CDCA2: variants seen among roughly 807,000 people sequenced by gnomAD.
CDCA2 encodes cell division cycle-associated protein 2.
A neutral mutation model predicts 67.0 loss-of-function variants in CDCA2; 44 were observed. The observed-to-expected ratio is 0.66, with a 90% CI of 0.52 to 0.84. CDCA2 has a LOEUF of 0.84. Ranked by LOEUF, CDCA2 falls within the 40% of genes least tolerant of loss-of-function variation. CDCA2 has a pLI of 0.00. For synonymous variants in CDCA2, 447 were observed against 418.7 expected, an observed-to-expected ratio of 1.07 and a Z score of -0.82; for missense variants, 1,253 against 1,203.2, an observed-to-expected ratio of 1.04 and a Z score of -0.61.
intron 13 of CDCA2, among the ~76,000 whole-genome samples, chr8:25,497,502 AAAAT>A (rs1563281779): frequency 0.049 from 1,520 of 30,760 alleles, 40 homozygotes; most frequent in Middle Eastern, 0.14. Flanking sequence ...TAAAAAATAA[AAAAT>A]AAAAAAAAAA....
chr8:25,483,470 C>G lies in CDCA2; in HGVS notation c.1104C>G (p.Cys368Trp). The G allele has an allele frequency of 6.2e-7, 1 of 1,610,060 alleles. No homozygotes were observed. The highest frequency in any genetic ancestry group is 8.5e-7 in the Non-Finnish European group (1 of 1,177,852). The change falls in exon 9 of 15, where the codon TGC (cysteine) becomes TGG (tryptophan). Residue 368 changes from cysteine (C) to tryptophan (W), a missense_variant. Cys to Trp is a radical substitution (Grantham distance 215). Transcript: ENST00000330560. ...PSLISNLPNC[C>W]KEKEAEDEEN... ...TAATCTCAAATCTCCCAAACTGTTG[C>G]AAAGAGAAAGAAGCAGGTAAGAAAT...
chr8:25,485,259 T>C (rs564653221), intron 10 of CDCA2, among the ~76,000 whole-genome samples: 1 of 151,286 alleles, frequency 6.6e-6, no homozygotes, highest in East Asian at 1.9e-4. Context: ...ATTTAAAAAA[T>C]AAAACCTCTG....
In CDCA2 at chr8:25,468,533, G is replaced by A. The variant is rs1389091266; in HGVS notation, c.735+120G>A. 5.5e-5 allele frequency: 18 copies of A among 328,738 alleles called. No individual in the cohort carries two copies. In the South Asian group the frequency reaches 6.0e-4, roughly 11 times the overall value. 20.4% of individuals were successfully genotyped at this position (328,738 alleles called of 1,614,324 possible). On this transcript the variant is annotated intron_variant, in intron 6 of 14. Coordinates refer to ENST00000330560, the MANE Select transcript of CDCA2 (RefSeq NM_152562.4). ...CTTGTTCTGCCCTGTGGTTCCTGGG[G>A]TGTGTGTGTGTGTGTGTGTGTGTGC...
intron 13 of CDCA2, among the ~76,000 whole-genome samples, chr8:25,499,266 A>G (rs1000011764): frequency 1.5e-5 from 2 of 136,342 alleles, no homozygotes; most frequent in Admixed American, 7.3e-5. Context: ...CCTCTCCTAT[A>G]TGGTGTGATT....
chr8:25,471,575 G>T (rs560580312), intron 7 of CDCA2, among the ~76,000 whole-genome samples: 11 of 152,288 alleles, frequency 7.2e-5, no homozygotes, highest in African/African-American at 2.6e-4. Context: ...TCTTGGCCAG[G>T]CTGGTCTTGA....
At chr8:25,485,321 A>G (rs550156314) in intron 10 of CDCA2, among the ~76,000 whole-genome samples, 5 of 152,128 alleles carry the variant, frequency 3.3e-5, no homozygotes, top group African/African-American at 1.2e-4. Flanking sequence ...TCTATGCAAA[A>G]CCAACAGTTA....
chr8:25,500,953 CATTTTT>C (rs1804451050), intron 13 of CDCA2, among the ~76,000 whole-genome samples: 1 of 152,046 alleles, frequency 6.6e-6, no homozygotes, highest in Non-Finnish European at 1.5e-5. Flanking sequence ...CACCAGAGGC[CATTTTT>C]TTTATTTATT....
At chr8:25,480,336 A>C (rs1454384592) in intron 8 of CDCA2, among the ~76,000 whole-genome samples, 2 of 152,140 alleles carry the variant, frequency 1.3e-5, no homozygotes, top group Non-Finnish European at 2.9e-5. Context: ...CGTATATAGC[A>C]TGCAGAATTT....
In CDCA2 at chr8:25,506,914, T is replaced by C. The variant is rs746144617; in HGVS notation, c.2248T>C (p.Cys750Arg). 8 of 1,612,750 alleles carry C rather than the reference T, an allele frequency of 5.0e-6. No individual in the cohort carries two copies. The highest frequency in any genetic ancestry group is 6.8e-6 in the Non-Finnish European group (8 of 1,179,386). The part of the protein sequence containing the change: ...SAGGQNAENL[C>R]QFFKISPDLN... ...TGGTGGTCAAAATGCAGAAAACCTT[T>C]GTCAGTTCTTTAAAATTTCACCAGA... Residue 750 changes from cysteine (C) to arginine (R), a missense_variant, in exon 15 of 15, where the codon TGT becomes CGT. By Grantham distance (180) the Cys-to-Arg change is radical (BLOSUM62 -3). Coordinates refer to ENST00000330560, the MANE Select transcript of CDCA2 (RefSeq NM_152562.4).
At chr8:25,499,936 C>A (rs1290584107) in intron 13 of CDCA2, among the ~76,000 whole-genome samples, 1 of 152,132 alleles carries the variant, frequency 6.6e-6, no homozygotes, top group African/African-American at 2.4e-5. Flanking sequence ...AAGTTTGTGG[C>A]CTTTGCTGAT....
intron 3 of CDCA2, among the ~76,000 whole-genome samples, chr8:25,461,106 A>G (rs908436050): frequency 6.6e-6 from 1 of 151,954 alleles, no homozygotes; most frequent in Non-Finnish European, 1.5e-5. Flanking sequence ...CGTCTCTACT[A>G]AAAATACAAA....
At chr8:25,496,507 G>A (rs1050466175) in intron 13 of CDCA2, among the ~76,000 whole-genome samples, 1 of 152,090 alleles carries the variant, frequency 6.6e-6, no homozygotes, top group African/African-American at 2.4e-5. Context: ...AAGAAACACC[G>A]TATAGAATGG....
At chr8:25,501,567 G>T (rs1246795163) in intron 13 of CDCA2, among the ~76,000 whole-genome samples, 1 of 152,206 alleles carries the variant, frequency 6.6e-6, no homozygotes, top group Non-Finnish European at 1.5e-5. Context: ...TCATGCACAT[G>T]GCATTCCCTT....
chr8:25,476,595 C>CAGGCTGT (rs2117503076), intron 7 of CDCA2, among the ~76,000 whole-genome samples: 1 of 151,848 alleles, frequency 6.6e-6, no homozygotes, highest in South Asian at 2.1e-4. Context: ...CTCTGCCGCC[C>CAGGCTGT]AGGCTGTAGT....
Position 25,480,092 on chromosome 8 carries a change from C to A in CDCA2, c.1000C>A (p.Pro334Thr). Residue 334 changes from proline (P) to threonine (T), a missense_variant, in exon 8 of 15, where the codon CCC becomes ACC. Physicochemically the swap from Pro to Thr is conservative, Grantham distance 38. Coordinates refer to ENST00000330560, the MANE Select transcript of CDCA2 (RefSeq NM_152562.4). ...TFVLRSVLKK[P>T]SVKMCLESLQ... is the part of the protein sequence containing the mutation. ...TGTACTTCGTTCTGTACTGAAGAAA[C>A]CCTCTGTTAAGATGTGTCTAGAGAG... 4.3e-6 allele frequency: 7 copies of A among 1,614,082 alleles called. No individual in the cohort carries two copies. The highest frequency in any genetic ancestry group is 5.9e-6 in the Non-Finnish European group (7 of 1,180,022).
In CDCA2 at chr8:25,480,025, T is replaced by G. The variant is rs1163501921; in HGVS notation, c.933T>G (p.Ala311=). Residue 311 remains alanine (A), a synonymous_variant, in exon 8 of 15, where the codon GCT becomes GCG. Transcript: ENST00000330560. ...SDAVPDVRSP[A]TPACRRDLPT... Reference sequence around the variant, plus strand: ...CAGTCCCTGATGTCAGGTCACCAGCTACTCCAGCCTGCAGGAGGGACCTTC... The same window carrying G: ...CAGTCCCTGATGTCAGGTCACCAGCGACTCCAGCCTGCAGGAGGGACCTTC... 6.2e-6 allele frequency: 10 copies of G among 1,614,038 alleles called. No individual in the cohort carries two copies. Among genetic ancestry groups the G allele is most frequent in the Non-Finnish European group, 3.4e-6 (4 of 1,180,032 alleles).
intron 6 of CDCA2, among the ~76,000 whole-genome samples, chr8:25,469,022 A>G (rs1463773726): frequency 6.6e-6 from 1 of 152,238 alleles, no homozygotes; most frequent in Non-Finnish European, 1.5e-5. Context: ...TAGAAAAATA[A>G]TACTACTGAA....
At chr8:25,484,888 G>A (rs183114070) in intron 10 of CDCA2, among the ~76,000 whole-genome samples, 3 of 152,232 alleles carry the variant, frequency 2.0e-5, no homozygotes, top group African/African-American at 7.2e-5. Context: ...TGTGATTTCA[G>A]CATTAACCTG....
At position 25,485,728 on chromosome 8, in the gene CDCA2, A is replaced by G. The variant is rs779683461; in HGVS notation, c.1366-31A>G. ...CATTATGTATTCACTGCATTTAAAG[A>G]TATCTAACTTCTGTCTTTTCCTTTG... On this transcript the variant is annotated intron_variant, in intron 10 of 14. Coordinates refer to ENST00000330560, the MANE Select transcript of CDCA2 (RefSeq NM_152562.4). 13 of 1,339,536 alleles carry G rather than the reference A, an allele frequency of 9.7e-6. No homozygotes were observed. In the South Asian group the frequency reaches 1.7e-4, roughly 17 times the overall value. 83.0% of individuals were successfully genotyped at this position (1,339,536 alleles called of 1,614,324 possible).
Sources: allele counts gnomAD v4.1 joint callset (sites outside exome capture counted in the v4.1 genomes callset), GRCh38; gene constraint gnomAD v4.1.1; transcripts MANE v1.5; gene names NCBI Gene and HGNC (gene_info 2026-07-23, HGNC 2026-07-21).